PACRG: variants seen among roughly 807,000 people sequenced by gnomAD.
PACRG encodes parkin coregulated gene protein.
A neutral mutation model predicts 29.7 loss-of-function variants in PACRG; 29 were observed. That is an observed-to-expected ratio of 0.98 (90% CI 0.73 to 1.33). The LOEUF (loss-of-function observed/expected upper bound fraction) is 1.33. PACRG is among the 40% of genes most tolerant of loss of function. PACRG has a pLI of 0.00. For missense variants in PACRG, 279 were observed against 316.2 expected, an observed-to-expected ratio of 0.88 and a Z score of 0.89; for synonymous variants, 116 against 118.7, an observed-to-expected ratio of 0.98 and a Z score of 0.15.
intron 2 of PACRG, among the ~76,000 whole-genome samples, chr6:163,052,737 T>A (rs1390674848): frequency 6.6e-6 from 1 of 152,236 alleles, no homozygotes; most frequent in Non-Finnish European, 1.5e-5. Flanking sequence ...AACGGACTAA[T>A]ACAACCTCAC....
intron 3 of PACRG, among the ~76,000 whole-genome samples, chr6:163,063,873 C>T (rs748872418): frequency 6.6e-6 from 1 of 152,144 alleles, no homozygotes; most frequent in African/African-American, 2.4e-5. Context: ...GAGGGTGTAG[C>T]GTCCCGAGCC....
intron 4 of PACRG, among the ~76,000 whole-genome samples, chr6:163,235,108 G>A (rs1029531456): frequency 5.3e-5 from 8 of 152,232 alleles, no homozygotes; most frequent in African/African-American, 1.7e-4. Flanking sequence ...AAGACATAGC[G>A]GAAGAATTTG....
intron 4 of PACRG, among the ~76,000 whole-genome samples, chr6:163,301,928 C>A (rs7756500): frequency 0.32 from 48,540 of 152,078 alleles, 7,841 homozygotes; most frequent in African/African-American, 0.35. Flanking sequence ...AACAAGAGCA[C>A]GCCTCCGCCC....
intron 2 of PACRG, among the ~76,000 whole-genome samples, chr6:162,852,433 T>G (rs1044803755): frequency 1.3e-5 from 2 of 152,226 alleles, no homozygotes; most frequent in African/African-American, 4.8e-5. Context: ...GACGCGCTTC[T>G]GTGGGATGGG....
intron 2 of PACRG, among the ~76,000 whole-genome samples, chr6:162,849,764 T>C (rs1314454543): frequency 6.6e-6 from 1 of 152,212 alleles, no homozygotes; most frequent in Non-Finnish European, 1.5e-5. Flanking sequence ...TTTTGAAATA[T>C]CTAAATATTA....
At chr6:163,081,183 T>G (rs1813040868) in intron 3 of PACRG, among the ~76,000 whole-genome samples, 1 of 152,198 alleles carries the variant, frequency 6.6e-6, no homozygotes, top group Non-Finnish European at 1.5e-5. Flanking sequence ...TAGCAAAATT[T>G]ATATCCATTG....
At chr6:163,163,294 CAG>C (rs888109534) in intron 4 of PACRG, among the ~76,000 whole-genome samples, 11 of 152,092 alleles carry the variant, frequency 7.2e-5, no homozygotes, top group Non-Finnish European at 1.5e-4. Context: ...CTTTTCGAGA[CAG>C]AGTCTCACTC....
rs1338988694 is a variant in PACRG, at chr6:162,955,320, G to T, written c.292-106830G>T. Among the ~76,000 whole-genome samples, 13 of 152,046 alleles carry T rather than the reference G, an allele frequency of 8.6e-5. 1 individual carries two copies. The highest frequency in any genetic ancestry group is 8.5e-4 in the Admixed American group (13 of 15,262). ...TTTGTTTTTGTTTTTGTTTTTTTGA[G>T]ACGGAGTCTCTCTCTGTTGCCCAAG... On this transcript the variant is annotated intron_variant, in intron 2 of 4. Coordinates refer to ENST00000366888, the MANE Select transcript of PACRG (RefSeq NM_001080379.2).
intron 1 of PACRG, among the ~76,000 whole-genome samples, chr6:162,731,508 A>T (rs1159601956): frequency 6.6e-6 from 1 of 152,166 alleles, no homozygotes; most frequent in Admixed American, 6.5e-5. Flanking sequence ...GTATATAGGT[A>T]GAAATGTGTA....
chr6:163,250,388 T>C (rs952242715), intron 4 of PACRG, among the ~76,000 whole-genome samples: 1 of 152,268 alleles, frequency 6.6e-6, no homozygotes, highest in Non-Finnish European at 1.5e-5. Flanking sequence ...GGGGGCCCCA[T>C]GCACCGGAGT....
chr6:162,757,085 T>C (rs1389467238), intron 1 of PACRG, among the ~76,000 whole-genome samples: 1 of 152,174 alleles, frequency 6.6e-6, no homozygotes, highest in African/African-American at 2.4e-5. Context: ...CTATTTATTA[T>C]AAATATCAAA....
intron 2 of PACRG, among the ~76,000 whole-genome samples, chr6:162,971,344 C>G (rs9458698): frequency 0.57 from 86,662 of 152,010 alleles, 24,911 homozygotes; most frequent in Middle Eastern, 0.72. Flanking sequence ...GTGTAATCCA[C>G]GAAGTCAGTT....
chr6:163,140,379 C>T (rs1022431164), intron 4 of PACRG, among the ~76,000 whole-genome samples: 9 of 152,110 alleles, frequency 5.9e-5, no homozygotes, highest in Non-Finnish European at 1.5e-5. Context: ...GAGAGTCTCC[C>T]TGTGGGGTGG....
intron 4 of PACRG, among the ~76,000 whole-genome samples, chr6:163,206,113 G>A (rs74208330): frequency 0.016 from 2,413 of 152,240 alleles, 96 homozygotes; most frequent in East Asian, 0.11. Context: ...TGCTGGTGGG[G>A]GAGTGTAAAT....
intron 3 of PACRG, among the ~76,000 whole-genome samples, chr6:163,064,408 T>A (rs968853854): frequency 3.3e-5 from 5 of 152,192 alleles, no homozygotes; most frequent in African/African-American, 9.7e-5. Flanking sequence ...ACATGATTTG[T>A]CAGGGAAAAT....
At chr6:162,811,505 A>G (rs144395963) in intron 1 of PACRG, among the ~76,000 whole-genome samples, 1 of 152,288 alleles carries the variant, frequency 6.6e-6, no homozygotes, top group Admixed American at 6.5e-5. Flanking sequence ...AAAACTCCAT[A>G]TCAAAAGGTG....
intron 2 of PACRG, among the ~76,000 whole-genome samples, chr6:162,912,857 A>G (rs959712425): frequency 5.3e-5 from 8 of 151,774 alleles, no homozygotes; most frequent in Admixed American, 1.3e-4. Context: ...GGCATGAGCC[A>G]CTGCACCCGG....
intron 2 of PACRG, among the ~76,000 whole-genome samples, chr6:162,844,644 T>A (rs1790189449): frequency 6.6e-6 from 1 of 152,224 alleles, no homozygotes; most frequent in Non-Finnish European, 1.5e-5. Flanking sequence ...TGAGGCTACA[T>A]AACATTCAGT....
intron 1 of PACRG, among the ~76,000 whole-genome samples, chr6:162,790,320 T>C (rs1784833974): frequency 6.6e-6 from 1 of 152,104 alleles, no homozygotes; most frequent in South Asian, 2.1e-4. Context: ...GTTCAGTGGA[T>C]ACATTTGCTC....
Sources: gnomAD v4.1 joint callset for allele counts (sites outside exome capture counted in the v4.1 genomes callset) on GRCh38, gnomAD v4.1.1 for gene constraint, MANE v1.5 for transcripts, NCBI Gene and HGNC (gene_info 2026-07-23, HGNC 2026-07-21) for gene names.